The following PKHD1L1 variants were observed in gnomAD, a reference collection of about 807,000 sequenced individuals.
PKHD1L1 encodes PKHD1 like 1.
A neutral mutation model predicts 462.9 loss-of-function variants in PKHD1L1; 434 were observed. The observed-to-expected ratio is 0.94, with a 90% CI of 0.87 to 1.02. The LOEUF is 1.02. Among genes scored for constraint, PKHD1L1 ranks in the 50% least tolerant of loss-of-function variants. The pLI, the probability that PKHD1L1 is intolerant of heterozygous loss-of-function variation, is 0.00. For missense variants in PKHD1L1, 5,202 were observed against 5,096.1 expected (o/e 1.02, Z -0.63); for synonymous variants, 1,781 against 1,750.0 (o/e 1.02, Z -0.44).
intron 59 of PKHD1L1, among the ~76,000 whole-genome samples, chr8:109,487,780 A>G (rs931840006): frequency 3.3e-5 from 5 of 151,694 alleles, no homozygotes; most frequent in Non-Finnish European, 5.9e-5. Flanking sequence ...TTGGGAGGCC[A>G]AGGTGGGATG....
intron 19 of PKHD1L1, among the ~76,000 whole-genome samples, chr8:109,410,406 G>C (rs1419227701): frequency 2.0e-5 from 3 of 152,072 alleles, no homozygotes; most frequent in African/African-American, 2.4e-5. Flanking sequence ...GAAGGCCTTG[G>C]GAAACTCTCA....
intron 2 of PKHD1L1, among the ~76,000 whole-genome samples, chr8:109,378,938 C>T (rs1376650264): frequency 6.6e-6 from 1 of 152,134 alleles, no homozygotes; most frequent in Non-Finnish European, 1.5e-5. Context: ...GAACATCCCC[C>T]ACAGAGGAGA....
intron 50 of PKHD1L1, chr8:109,471,206 A>C: frequency 7.2e-6 from 6 of 834,036 alleles, no homozygotes; most frequent in Non-Finnish European, 1.1e-5. Flanking sequence ...TTTTACTTGA[A>C]TCAGATGGTG....
In PKHD1L1 at chr8:109,382,473, G is replaced by A; in HGVS notation, c.319G>A (p.Glu107Lys). Residue 107 changes from glutamate (E) to lysine (K), a missense_variant, in exon 4 of 78, where the codon GAA becomes AAA. Coordinates refer to ENST00000378402, the MANE Select transcript of PKHD1L1 (RefSeq NM_177531.6). ...TCATTTTCTTTATAGAGCAATGCCGGAAGATTCCTACACTGTTAGAGTCAG... is the reference window on the plus strand; with the variant it reads ...TCATTTTCTTTATAGAGCAATGCCGAAAGATTCCTACACTGTTAGAGTCAG... ...QITCYTRAMP[E>K]DSYTVRVSVD... 6.2e-7 allele frequency: 1 copy of A among 1,604,786 alleles called. No individual in the cohort carries two copies. The highest frequency in any genetic ancestry group is 1.1e-5 in the South Asian group (1 of 89,668).
rs758332120 is a variant in PKHD1L1 at position 109,510,890 on chromosome 8, C to T, written c.11509C>T (p.Pro3837Ser). 1 of 1,613,168 alleles carries T rather than the reference C, an allele frequency of 6.2e-7. No homozygotes were observed. The highest frequency in any genetic ancestry group is 8.5e-7 in the Non-Finnish European group (1 of 1,179,480). Residue 3837 changes from proline (P) to serine (S), a missense_variant, in exon 71 of 78, where the codon CCT becomes TCT. By Grantham distance (74) the Pro-to-Ser change is moderately conservative. Transcript: ENST00000378402. ...TGAAGTTTACTTCACTGGCACCAGT[C>T]CTCAGAATCTTCGACTGATGTTGCT... is the stretch of plus-strand genomic sequence containing the variant. ...SYEVYFTGTS[P>S]QNLRLMLLNV...
intron 55 of PKHD1L1, 90 bp downstream of exon 55, chr8:109,480,229 T>C (rs1818207618): frequency 2.2e-6 from 3 of 1,365,526 alleles, no homozygotes; most frequent in Middle Eastern, 2.4e-4. Flanking sequence ...GCATATTCAA[T>C]TGGTGTGAAT....
chr8:109,446,439 A>G (rs1816146147), intron 38 of PKHD1L1, among the ~76,000 whole-genome samples: 2 of 152,206 alleles, frequency 1.3e-5, no homozygotes, highest in South Asian at 4.1e-4. Flanking sequence ...AAGTTAAAGA[A>G]GTTTATTCAT....
chr8:109,444,905 T>C lies in PKHD1L1; in HGVS notation c.5036T>C (p.Ile1679Thr). 3 of 1,614,034 alleles carry C rather than the reference T, an allele frequency of 1.9e-6. No homozygotes were observed. The Middle Eastern group carries it at 4.9e-4, about 266-fold the overall frequency. The change falls in exon 38 of 78, where the codon ATA becomes ACA. Residue 1679 changes from isoleucine (I) to threonine (T), a missense_variant. This residue lies in a region of PKHD1L1 where 4,497 missense variants were observed against 4,336.8 expected (regional missense o/e 1.04). Transcript: ENST00000378402. ...GSTTGMTSVT[I>T]KGSGFAVSSA... ...ACTACAGGAATGACAAGCGTGACCA[T>C]AAAAGGCTCTGGATTTGCCGTTTCT...
intron 23 of PKHD1L1, among the ~76,000 whole-genome samples, chr8:109,421,590 G>A (rs1365079380): frequency 6.6e-6 from 1 of 151,960 alleles, no homozygotes; most frequent in Non-Finnish European, 1.5e-5. Context: ...AGACCATCCG[G>A]GCTAACATGG....
intron 63 of PKHD1L1, among the ~76,000 whole-genome samples, chr8:109,495,199 T>C (rs1819026132): frequency 6.6e-6 from 1 of 152,088 alleles, no homozygotes. Context: ...ATTTAAGTGA[T>C]TCCTTGATAT....
At chr8:109,452,902 A>G in intron 43 of PKHD1L1, 28 bp downstream of exon 43, 1 of 1,325,828 alleles carries the variant, frequency 7.5e-7, no homozygotes, top group Non-Finnish European at 9.8e-7. Flanking sequence ...TGTTCATTGG[A>G]CTCTGCCTGA....
chr8:109,379,720 G>T (rs1472036305), intron 2 of PKHD1L1, among the ~76,000 whole-genome samples: 1 of 152,172 alleles, frequency 6.6e-6, no homozygotes, highest in Non-Finnish European at 1.5e-5. Context: ...TGTGGTCTTA[G>T]TTTCCAGGTA....
intron 33 of PKHD1L1, 71 bp downstream of exon 33, chr8:109,440,923 T>C: frequency 6.7e-7 from 1 of 1,481,486 alleles, no homozygotes; most frequent in East Asian, 2.3e-5. Flanking sequence ...AGGTGCTGAG[T>C]TATTATATGA....
Position 109,493,770 on chromosome 8 carries a change from G to T in PKHD1L1, c.10327+19G>T, listed in dbSNP as rs746319213. On this transcript the variant is annotated intron_variant, in intron 63 of 77. Transcript: ENST00000378402. ...TGCCCAGGTAAGTCTTTTAAACCAG[G>T]AATCGCTAAAACTAGGAAATAACTT... 5.9e-6 allele frequency: 9 copies of T among 1,521,870 alleles called. No homozygotes were observed. The African/African-American group carries it at 1.1e-4, about 19-fold the overall frequency. The allele number at this position is 1,521,870 out of a possible 1,614,324, so 94.3% of individuals were successfully genotyped here.
In PKHD1L1 at chr8:109,443,000, A is replaced by G. The variant is rs202003275; in HGVS notation, c.4448A>G (p.Tyr1483Cys). 8.1e-5 allele frequency: 131 copies of G among 1,613,628 alleles called. No homozygotes were observed. In the African/African-American group the frequency reaches 1.4e-3, roughly 18 times the overall value. Residue 1483 changes from tyrosine to cysteine, a missense_variant, in exon 36 of 78, where the codon TAT becomes TGT. This residue lies in a region of PKHD1L1 where 4,497 missense variants were observed against 4,336.8 expected (regional missense o/e 1.04). Transcript: ENST00000378402. Reference protein sequence around the residue: ...SPGIHYYSSGYVDEAHSIFLQ... With the variant: ...SPGIHYYSSGCVDEAHSIFLQ... Reference sequence around the variant, plus strand: ...GGAATCCATTATTATAGCAGCGGGTATGTTGATGAGGCTCACTCCATTTTT... The same window carrying G: ...GGAATCCATTATTATAGCAGCGGGTGTGTTGATGAGGCTCACTCCATTTTT...
intron 75 of PKHD1L1, 104 bp downstream of exon 75, chr8:109,522,994 A>G (rs1045340612): frequency 8.0e-7 from 1 of 1,250,296 alleles, no homozygotes; most frequent in African/African-American, 1.5e-5. Flanking sequence ...CCTGAGGATC[A>G]CACGGCCCTT....
chr8:109,363,867 C>T (rs75790549), intron 1 of PKHD1L1, among the ~76,000 whole-genome samples: 1 of 152,248 alleles, frequency 6.6e-6, no homozygotes, highest in Non-Finnish European at 1.5e-5. Context: ...TTGAGGCACC[C>T]GTGGCCTCTA....
chr8:109,498,087 C>CTTTTTTTTTT (rs71305953), intron 65 of PKHD1L1, among the ~76,000 whole-genome samples: 15 of 58,960 alleles, frequency 2.5e-4, no homozygotes, highest in African/African-American at 3.8e-4. Flanking sequence ...ATCATGTTTT[C>CTTTTTTTTTT]TTTTTTTTTT....
intron 38 of PKHD1L1, 32 bp from the exon 39 acceptor site, chr8:109,448,111 T>C (rs1310830604): frequency 3.3e-6 from 5 of 1,538,110 alleles, no homozygotes; most frequent in Non-Finnish European, 3.5e-6. Context: ...TAGTTAGATA[T>C]ATTTATATTG....
Sources: allele counts gnomAD v4.1 joint callset (sites outside exome capture counted in the v4.1 genomes callset), GRCh38; gene constraint gnomAD v4.1.1; regional missense constraint gnomAD v4.1.1; transcripts MANE v1.5; gene names NCBI Gene and HGNC (gene_info 2026-07-23, HGNC 2026-07-21).